The following TRAPPC9 variants were observed in gnomAD, a reference collection of about 807,000 sequenced individuals.
The protein encoded by TRAPPC9 is IKK2 binding protein.
A neutral mutation model predicts 124.0 loss-of-function variants in TRAPPC9; 83 were observed. That is an observed-to-expected ratio of 0.67 (90% CI 0.56 to 0.80). The LOEUF is 0.80. Ranked by LOEUF, TRAPPC9 falls within the 30% of genes least tolerant of loss-of-function variation. The pLI, the probability that TRAPPC9 is intolerant of heterozygous loss-of-function variation, is 0.00. For synonymous variants in TRAPPC9, 638 were observed against 617.5 expected (o/e 1.03, Z -0.49); for missense variants, 1,302 against 1,508.3 (o/e 0.86, Z 2.27).
chr8:139,867,239 A>C (rs1274016250), intron 21 of TRAPPC9, among the ~76,000 whole-genome samples: 2 of 152,218 alleles, frequency 1.3e-5, no homozygotes, highest in Non-Finnish European at 2.9e-5. Context: ...CCAGAAAATA[A>C]GTGTGTGCTC....
chr8:139,861,986 A>T (rs1234094960), intron 21 of TRAPPC9, among the ~76,000 whole-genome samples: 1 of 152,254 alleles, frequency 6.6e-6, no homozygotes, highest in Non-Finnish European at 1.5e-5. Context: ...CCTTGGACAC[A>T]GATCAGCGAA....
intron 16 of TRAPPC9, among the ~76,000 whole-genome samples, chr8:140,233,520 T>C (rs915090472): frequency 1.3e-5 from 2 of 151,648 alleles, no homozygotes; most frequent in Non-Finnish European, 2.9e-5. Context: ...ACTAACTTTA[T>C]AAAGGCTTCT....
chr8:139,754,255 C>A (rs1373007287), intron 21 of TRAPPC9, among the ~76,000 whole-genome samples: 10 of 152,224 alleles, frequency 6.6e-5, no homozygotes, highest in Non-Finnish European at 1.5e-4. Flanking sequence ...TGAGTGACCC[C>A]CAAAGCTCTT....
intron 17 of TRAPPC9, among the ~76,000 whole-genome samples, chr8:140,200,116 G>A (rs2062754139): frequency 6.6e-6 from 1 of 152,148 alleles, no homozygotes; most frequent in Non-Finnish European, 1.5e-5. Flanking sequence ...CTCACGGCCG[G>A]AGAGGGAAGT....
At chr8:140,203,004 A>G (rs2062829480) in intron 17 of TRAPPC9, among the ~76,000 whole-genome samples, 2 of 152,262 alleles carry the variant, frequency 1.3e-5, no homozygotes, top group African/African-American at 4.8e-5. Flanking sequence ...TCCAAAAGAA[A>G]AAAGTGGTGC....
chr8:140,242,210 G>A (rs28678828), intron 16 of TRAPPC9, among the ~76,000 whole-genome samples: 32,606 of 151,846 alleles, frequency 0.21, 4,869 homozygotes, highest in East Asian at 0.77. Flanking sequence ...CCAAAGTGAG[G>A]AGCCCATTTG....
intron 21 of TRAPPC9, among the ~76,000 whole-genome samples, chr8:139,871,385 A>G (rs1295637188): frequency 6.6e-6 from 1 of 152,200 alleles, no homozygotes; most frequent in Non-Finnish European, 1.5e-5. Context: ...AGAACCTGAC[A>G]GCTGCACTCA....
chr8:140,064,874 A>G (rs1842827211), intron 17 of TRAPPC9, among the ~76,000 whole-genome samples: 1 of 152,148 alleles, frequency 6.6e-6, no homozygotes, highest in Admixed American at 6.6e-5. Flanking sequence ...CAGGATTGTA[A>G]AGGCCTCTAC....
At chr8:140,391,633 A>G (rs1184377541) in intron 7 of TRAPPC9, among the ~76,000 whole-genome samples, 1 of 149,726 alleles carries the variant, frequency 6.7e-6, no homozygotes, top group East Asian at 2.0e-4. Context: ...AATCGCTTGA[A>G]CCCAGGAGGC....
intron 17 of TRAPPC9, among the ~76,000 whole-genome samples, chr8:140,136,742 G>A (rs1277334343): frequency 2.0e-5 from 3 of 152,190 alleles, no homozygotes; most frequent in African/African-American, 4.8e-5. Context: ...GGAGGCTGAC[G>A]CAGGAGAATC....
chr8:140,223,907 G>A (rs886649059), intron 16 of TRAPPC9, among the ~76,000 whole-genome samples: 9 of 152,172 alleles, frequency 5.9e-5, no homozygotes, highest in South Asian at 2.1e-4. Context: ...ATTATCTTAC[G>A]TTAAAAAATA....
intron 21 of TRAPPC9, among the ~76,000 whole-genome samples, chr8:139,859,697 G>A (rs1488918140): frequency 6.6e-6 from 1 of 152,186 alleles, no homozygotes; most frequent in Admixed American, 6.5e-5. Context: ...GCCAGGCCCT[G>A]GCACCCAGAG....
intron 21 of TRAPPC9, among the ~76,000 whole-genome samples, chr8:139,803,517 A>G: frequency 6.6e-6 from 1 of 152,244 alleles, no homozygotes; most frequent in East Asian, 1.9e-4. Context: ...CTCTCTGTGC[A>G]GGCAGTCAGA....
At chr8:139,740,575 G>C (rs1273812956) in intron 21 of TRAPPC9, among the ~76,000 whole-genome samples, 1 of 152,252 alleles carries the variant, frequency 6.6e-6, no homozygotes, top group Non-Finnish European at 1.5e-5. Context: ...ATTTGCAGAA[G>C]CACACTGAGG....
intron 21 of TRAPPC9, among the ~76,000 whole-genome samples, chr8:139,863,952 C>T (rs1828346912): frequency 6.6e-6 from 1 of 152,214 alleles, no homozygotes; most frequent in East Asian, 1.9e-4. Context: ...CCACAGTTCC[C>T]AGCCAGGACT....
intron 19 of TRAPPC9, among the ~76,000 whole-genome samples, chr8:139,964,892 G>A (rs1475516730): frequency 6.6e-6 from 1 of 152,202 alleles, no homozygotes; most frequent in Non-Finnish European, 1.5e-5. Flanking sequence ...GAAAGCAGGA[G>A]AGGAATGCTG....
At position 140,185,304 on chromosome 8, in the gene TRAPPC9, C is replaced by T. The variant is rs200496253; in HGVS notation, c.2556+36155G>A. Among the ~76,000 whole-genome samples, 27 of 152,300 alleles carry T rather than the reference C, an allele frequency of 1.8e-4. No homozygotes were observed. The East Asian group carries it at 3.5e-3, about 20-fold the overall frequency. ...GCACGTGGAGTCAGAGAACTCGGCA[C>T]GGCAGGGAATGCTGGACAGGCCCAC... On this transcript the variant is annotated intron_variant, in intron 17 of 22. Transcript: ENST00000438773.
At chr8:140,078,444 G>A (rs1843630322) in intron 17 of TRAPPC9, among the ~76,000 whole-genome samples, 1 of 152,322 alleles carries the variant, frequency 6.6e-6, no homozygotes, top group South Asian at 2.1e-4. Flanking sequence ...GCACTGGATG[G>A]AGGCTTAGTG....
intron 18 of TRAPPC9, among the ~76,000 whole-genome samples, chr8:140,023,721 A>G (rs567727804): frequency 3.3e-5 from 5 of 152,358 alleles, no homozygotes. Flanking sequence ...ACGGCGTGAT[A>G]TGTAAAGCCC....
Sources: allele counts gnomAD v4.1 joint callset (sites outside exome capture counted in the v4.1 genomes callset), GRCh38; gene constraint gnomAD v4.1.1; transcripts MANE v1.5; gene names NCBI Gene and HGNC (gene_info 2026-07-23, HGNC 2026-07-21).